DPP10: variants seen among roughly 807,000 people sequenced by gnomAD.
DPP10 encodes the protein dipeptidyl peptidase like 10, also known as inactive dipeptidyl peptidase 10.
DPP10 carries 33 observed loss-of-function variants against 120.9 expected under a neutral mutation model. That is an observed-to-expected ratio of 0.27 (90% CI 0.21 to 0.37). DPP10 has a LOEUF of 0.37. Among genes scored for constraint, DPP10 ranks in the 10% least tolerant of loss-of-function variants. DPP10 has a pLI of 1.00. For synonymous variants in DPP10, 337 were observed against 326.1 expected, an observed-to-expected ratio of 1.03 and a Z score of -0.36; for missense variants, 816 against 942.8, an observed-to-expected ratio of 0.87 and a Z score of 1.76.
intron 1 of DPP10, among the ~76,000 whole-genome samples, chr2:114,520,438 C>T (rs894056769): frequency 6.6e-6 from 1 of 152,136 alleles, no homozygotes; most frequent in Non-Finnish European, 1.5e-5. Flanking sequence ...AAGAATGCCA[C>T]CACTTTTGTC....
Position 115,050,047 on chromosome 2 carries a change from A to G in DPP10, c.61-259192A>G, listed in dbSNP as rs561837129. ...TTCAAAAGAAATTTCCAAAAGGGCA[A>G]AAAGGGCAGAGTAGGAAACTTGAAA... On this transcript the variant is annotated intron_variant, in intron 1 of 25. Transcript: ENST00000410059. The G allele has an allele frequency of 3.9e-5, 6 of 152,334 alleles. No individual in the cohort carries two copies. In the South Asian group the frequency reaches 1.2e-3, roughly 32 times the overall value. The allele number at this position is 152,334 out of a possible 1,614,324, so 9.4% of individuals were successfully genotyped here.
intron 1 of DPP10, among the ~76,000 whole-genome samples, chr2:115,081,055 C>T (rs953065836): frequency 3.9e-5 from 6 of 152,080 alleles, no homozygotes; most frequent in African/African-American, 7.2e-5. Context: ...AGATTTTTTT[C>T]TCAGTCTTTT....
chr2:115,418,616 T>G (rs889320197), intron 3 of DPP10, among the ~76,000 whole-genome samples: 2 of 151,698 alleles, frequency 1.3e-5, no homozygotes, highest in Non-Finnish European at 2.9e-5. Context: ...TATTTATTTT[T>G]TTTTAATTAG....
intron 1 of DPP10, among the ~76,000 whole-genome samples, chr2:114,987,979 A>G (rs1278683464): frequency 6.6e-6 from 1 of 150,720 alleles, no homozygotes; most frequent in Non-Finnish European, 1.5e-5. Context: ...AATTTTTTGT[A>G]TTTTTAGTAG....
At chr2:115,648,379 T>C (rs1183921759) in intron 5 of DPP10, among the ~76,000 whole-genome samples, 1 of 152,088 alleles carries the variant, frequency 6.6e-6, no homozygotes. Flanking sequence ...TTCATATCAA[T>C]GTATGATATT....
chr2:115,026,440 G>A (rs898344100), intron 1 of DPP10, among the ~76,000 whole-genome samples: 4 of 152,076 alleles, frequency 2.6e-5, no homozygotes, highest in African/African-American at 7.2e-5. Context: ...TTTAAAGTTA[G>A]GTAGTATGAT....
chr2:115,803,141 ATAGT>A (rs1322827066), intron 19 of DPP10, among the ~76,000 whole-genome samples: 1 of 152,072 alleles, frequency 6.6e-6, no homozygotes, highest in South Asian at 2.1e-4. Context: ...TATATTTAGG[ATAGT>A]TAGTTCTTCT....
intron 1 of DPP10, among the ~76,000 whole-genome samples, chr2:114,823,773 A>G (rs1021378122): frequency 3.3e-5 from 5 of 152,200 alleles, no homozygotes; most frequent in Non-Finnish European, 7.3e-5. Context: ...GCTACTTCCA[A>G]AAATGGTATG....
At position 115,627,817 on chromosome 2, in the gene DPP10, A is replaced by T. The variant is rs2085487034; in HGVS notation, c.442-61870A>T. Among the ~76,000 whole-genome samples, 3 of 152,218 alleles carry T rather than the reference A, an allele frequency of 2.0e-5. No individual in the cohort carries two copies. The South Asian group carries it at 6.2e-4, about 32-fold the overall frequency. ...TTCCTGTGTTAGTTTGCTGAGGATA[A>T]TGGCTCCCGGCTCCATCCATGTCTC... is the stretch of plus-strand genomic sequence containing the variant. On this transcript the variant is annotated intron_variant, in intron 5 of 25. Transcript: ENST00000410059.
chr2:114,744,235 C>T (rs1199081304), intron 1 of DPP10, among the ~76,000 whole-genome samples: 1 of 152,036 alleles, frequency 6.6e-6, no homozygotes, highest in Non-Finnish European at 1.5e-5. Flanking sequence ...CTATGGGCAA[C>T]AAGGAGTCAT....
At chr2:115,712,540 T>TTTTATTTATATATATATATATA (rs778592374) in intron 7 of DPP10, among the ~76,000 whole-genome samples, 7 of 18,056 alleles carry the variant, frequency 3.9e-4, no homozygotes, top group African/African-American at 8.1e-4. Context: ...GAGTCCTGAA[T>TTTTATTTATATATATATATATA]TAAATATATA....
At chr2:115,101,878 A>G (rs577193576) in intron 1 of DPP10, among the ~76,000 whole-genome samples, 55 of 152,348 alleles carry the variant, frequency 3.6e-4, no homozygotes, top group Non-Finnish European at 7.2e-4. Flanking sequence ...TTATCAATAC[A>G]GTGGACCAAT....
intron 1 of DPP10, among the ~76,000 whole-genome samples, chr2:114,707,517 T>C (rs1003547150): frequency 1.3e-5 from 2 of 152,214 alleles, no homozygotes; most frequent in African/African-American, 2.4e-5. Flanking sequence ...ACATATTTTA[T>C]TAATGGAGCA....
chr2:115,843,692 T>G lies in DPP10; in HGVS notation c.*1347T>G, dbSNP rs1690372312. 6.6e-6 allele frequency: 1 copy of G among 152,184 alleles called. No individual in the cohort carries two copies. 9.4% of individuals were successfully genotyped at this position (152,184 alleles called of 1,614,324 possible). A position where few individuals can be genotyped will look rare whatever the true frequency, so the allele number is the denominator to read the frequency against. On this transcript the variant is annotated 3_prime_UTR_variant, in exon 26 of 26. Transcript: ENST00000410059. ...ACTGAGAGCATAAAATAAACCTGAC[T>G]GTATGAAGTCAATTTAAGTGATGAG...
chr2:114,601,767 G>A (rs1558922499), intron 1 of DPP10, among the ~76,000 whole-genome samples: 1 of 151,982 alleles, frequency 6.6e-6, no homozygotes, highest in East Asian at 1.9e-4. Flanking sequence ...GAAAATTGAT[G>A]AGGGCATTAA....
Position 115,422,367 on chromosome 2 carries a change from C to G in DPP10, c.272-77143C>G, listed in dbSNP as rs1382696391. 2.0e-5 allele frequency among the ~76,000 whole-genome samples: 3 copies of G among 152,150 alleles called. No homozygotes were observed. The East Asian group carries it at 5.8e-4, about 29-fold the overall frequency. On this transcript the variant is annotated intron_variant, in intron 3 of 25. Coordinates refer to ENST00000410059, the MANE Select transcript of DPP10 (RefSeq NM_020868.6). ...GGGAAGTTTTAGAAGTTATTTCTAT[C>G]TGGGCATTTTCTTAGCTTGACAGTT...
intron 1 of DPP10, among the ~76,000 whole-genome samples, chr2:115,053,098 A>G (rs1194653186): frequency 1.3e-5 from 2 of 152,192 alleles, no homozygotes; most frequent in Non-Finnish European, 2.9e-5. Context: ...TAAAGTTATT[A>G]TGTGACACAG....
chr2:114,934,767 G>T (rs949874138), intron 1 of DPP10, among the ~76,000 whole-genome samples: 9 of 152,116 alleles, frequency 5.9e-5, no homozygotes, highest in Non-Finnish European at 1.5e-5. Flanking sequence ...TTCAGTAGCA[G>T]AGGCTAGGAA....
At chr2:114,982,285 A>G (rs1007840956) in intron 1 of DPP10, among the ~76,000 whole-genome samples, 8 of 152,234 alleles carry the variant, frequency 5.3e-5, no homozygotes, top group Admixed American at 4.6e-4. Context: ...AATTCCTATC[A>G]TTATGGACTA....
Sources: allele counts gnomAD v4.1 joint callset (sites outside exome capture counted in the v4.1 genomes callset), GRCh38; gene constraint gnomAD v4.1.1; transcripts MANE v1.5; gene names NCBI Gene and HGNC (gene_info 2026-07-23, HGNC 2026-07-21).